PSMC6: variants seen among roughly 807,000 people sequenced by gnomAD.
PSMC6 encodes 26S proteasome regulatory subunit 10B.
In PSMC6, 3 loss-of-function variants were observed where a neutral mutation model predicts 55.9. The ratio of observed to expected loss-of-function variants is 0.05; its 90% CI spans 0.02 to 0.14. The LOEUF (loss-of-function observed/expected upper bound fraction) is 0.14. Ranked by LOEUF, PSMC6 falls within the 10% of genes least tolerant of loss-of-function variation. The pLI is 1.00. For synonymous variants in PSMC6, 137 were observed against 155.9 expected, an observed-to-expected ratio of 0.88 and a Z score of 0.90; for missense variants, 210 against 478.7, an observed-to-expected ratio of 0.44 and a Z score of 5.24.
chr14:52,709,337 A>C (rs1366974617), intron 4 of PSMC6, among the ~76,000 whole-genome samples: 1 of 152,342 alleles, frequency 6.6e-6, no homozygotes, highest in African/African-American at 2.4e-5. Flanking sequence ...TTTATGTATT[A>C]TTCTTTAGGA....
At chr14:52,721,213 A>G (rs895033511) in intron 12 of PSMC6, 23 bp downstream of exon 12, 25 of 1,481,050 alleles carry the variant, frequency 1.7e-5, no homozygotes, top group Non-Finnish European at 2.1e-5. Context: ...TCTATTTTAT[A>G]TGTATTTACA....
intron 13 of PSMC6, among the ~76,000 whole-genome samples, chr14:52,725,884 C>CA (rs1352080384): frequency 6.6e-6 from 1 of 152,186 alleles, no homozygotes; most frequent in Non-Finnish European, 1.5e-5. Flanking sequence ...GCAAGGTTTA[C>CA]AAAAATAACT....
At chr14:52,710,571 T>C (rs2041760827) in intron 4 of PSMC6, 1 of 166,868 alleles carries the variant, frequency 6.0e-6, no homozygotes, top group Admixed American at 6.1e-5. Flanking sequence ...GTGTTCAGCA[T>C]GTGCCTGTCA....
chr14:52,715,516 A>G (rs1044929217), intron 7 of PSMC6, among the ~76,000 whole-genome samples: 5 of 152,132 alleles, frequency 3.3e-5, no homozygotes, highest in Admixed American at 2.6e-4. Context: ...GACACCATCT[A>G]TTGCCATTGA....
At chr14:52,724,354 C>A (rs879411210) in intron 13 of PSMC6, among the ~76,000 whole-genome samples, 6 of 152,210 alleles carry the variant, frequency 3.9e-5, no homozygotes, top group Admixed American at 3.9e-4. Context: ...ACTCATCCCC[C>A]ATTGGATGAG....
At chr14:52,726,144 T>A (rs1014119347) in intron 13 of PSMC6, among the ~76,000 whole-genome samples, 4 of 152,202 alleles carry the variant, frequency 2.6e-5, no homozygotes, top group Non-Finnish European at 4.4e-5. Flanking sequence ...TAAACTTACC[T>A]GCTTTAGTTT....
At chr14:52,724,131 C>G (rs1308342680) in intron 13 of PSMC6, 95 bp downstream of exon 13, 1 of 1,191,848 alleles carries the variant, frequency 8.4e-7, no homozygotes, top group African/African-American at 1.5e-5. Context: ...ATAGACTTTG[C>G]AAGGATTTGG....
chr14:52,717,373 C>A (rs2041841289), intron 7 of PSMC6, among the ~76,000 whole-genome samples: 1 of 118,104 alleles, frequency 8.5e-6, no homozygotes, highest in East Asian at 2.6e-4. Context: ...CTTGCTCTGT[C>A]ACCCAGGCTG....
chr14:52,720,222 CAAA>C (rs34123680), intron 10 of PSMC6, among the ~76,000 whole-genome samples: 77 of 62,370 alleles, frequency 1.2e-3, no homozygotes, highest in East Asian at 1.8e-3. Context: ...AGTCTGTCTC[CAAA>C]AAAAAAAAAA....
In PSMC6 at chr14:52,727,636, A is replaced by G; in HGVS notation, c.*19A>G. ...TGTGTAATTTACTGTAAGATTTTTG[A>G]TGGCTGCATGACAGATGTTGGCTTA... is the stretch of plus-strand genomic sequence containing the variant. On this transcript the variant is annotated 3_prime_UTR_variant, in exon 14 of 14. Transcript: ENST00000445930. The G allele has an allele frequency of 1.3e-6, 2 of 1,515,824 alleles. No individual in the cohort carries two copies. Among genetic ancestry groups the G allele is most frequent in the Non-Finnish European group, 1.8e-6 (2 of 1,093,140 alleles). 93.9% of individuals were successfully genotyped at this position (1,515,824 alleles called of 1,614,324 possible).
chr14:52,727,330 G>A (rs1308772285), intron 13 of PSMC6, among the ~76,000 whole-genome samples, 169 bp from the exon 14 acceptor site: 1 of 152,046 alleles, frequency 6.6e-6, no homozygotes, highest in Non-Finnish European at 1.5e-5. Context: ...CACCCGGCCT[G>A]TGGATTTTAA....
At chr14:52,715,131 T>A (rs1330601745) in intron 7 of PSMC6, among the ~76,000 whole-genome samples, 2 of 146,574 alleles carry the variant, frequency 1.4e-5, no homozygotes. Flanking sequence ...ACTTGCAGTG[T>A]AAAAAAAAAA....
chr14:52,707,264 G>A lies in PSMC6; in HGVS notation c.45G>A (p.Lys15=), dbSNP rs140470588. Residue 15 remains lysine (K), a synonymous_variant, in exon 1 of 14, where the codon AAG becomes AAA. Coordinates refer to ENST00000445930, the MANE Select transcript of PSMC6 (RefSeq NM_002806.5). ...AGGCGCTTCAGGACTACCGCAAGAA[G>A]TTGCTTGAACACAAGGAGATCGACG... ...RDKALQDYRK[K]LLEHKEIDGR... is the part of the protein sequence containing the mutation. 1.4e-5 allele frequency: 23 copies of A among 1,613,996 alleles called. No homozygotes were observed. The African/African-American group carries it at 2.9e-4, about 21-fold the overall frequency.
At chr14:52,710,529 A>G (rs968342047) in intron 4 of PSMC6, 1 of 152,684 alleles carries the variant, frequency 6.5e-6, no homozygotes, top group African/African-American at 2.4e-5. Context: ...AAGCCAAGAA[A>G]TTATTTAGTA....
chr14:52,719,524 T>G (rs543281370), intron 10 of PSMC6, among the ~76,000 whole-genome samples: 41 of 152,208 alleles, frequency 2.7e-4, no homozygotes, highest in Non-Finnish European at 4.9e-4. Flanking sequence ...TTCCTCCAGT[T>G]TTACCTTTCC....
At chr14:52,712,340 C>G (rs974781875) in intron 6 of PSMC6, among the ~76,000 whole-genome samples, 1 of 144,054 alleles carries the variant, frequency 6.9e-6, no homozygotes, top group Non-Finnish European at 1.5e-5. Flanking sequence ...ATTATGAAAC[C>G]AAATTTTTCT....
At chr14:52,723,899 G>A (rs1422154377) in intron 12 of PSMC6, 66 bp from the exon 13 acceptor site, 14 of 1,583,938 alleles carry the variant, frequency 8.8e-6, no homozygotes, top group African/African-American at 2.7e-5. Context: ...TTAAATTTTC[G>A]ATGTGGGCAT....
At chr14:52,707,682 A>T (rs193111964) in intron 1 of PSMC6, among the ~76,000 whole-genome samples, 3 of 152,332 alleles carry the variant, frequency 2.0e-5, no homozygotes, top group African/African-American at 4.8e-5. Flanking sequence ...GATGAGACTC[A>T]GGGAGTCGGC....
Position 52,711,485 on chromosome 14 carries a change from G to T in PSMC6, c.402G>T (p.Glu134Asp). 1 of 1,612,914 alleles carries T rather than the reference G, an allele frequency of 6.2e-7. No individual in the cohort carries two copies. Among genetic ancestry groups the T allele is most frequent in the Non-Finnish European group, 8.5e-7 (1 of 1,179,050 alleles). Reference protein sequence around the residue: ...HEDPGNVSYSEIGGLSEQIRE... With the variant: ...HEDPGNVSYSDIGGLSEQIRE... ...ACCCTGGGAATGTTTCTTATTCTGAGATTGGAGGGCTATCAGAACAGATCC... is the reference window on the plus strand; with the variant it reads ...ACCCTGGGAATGTTTCTTATTCTGATATTGGAGGGCTATCAGAACAGATCC... Residue 134 changes from glutamate to aspartate, a missense_variant, in exon 6 of 14, where the codon GAG becomes GAT. Glu to Asp is a conservative substitution (Grantham distance 45). Transcript: ENST00000445930.
Sources: allele counts gnomAD v4.1 joint callset (sites outside exome capture counted in the v4.1 genomes callset), GRCh38; gene constraint gnomAD v4.1.1; transcripts MANE v1.5; gene names NCBI Gene and HGNC (gene_info 2026-07-23, HGNC 2026-07-21).